The following TMPRSS13 variants were observed in gnomAD, a reference collection of about 807,000 sequenced individuals.
TMPRSS13 encodes the protein transmembrane protease serine 13.
In TMPRSS13, 50 loss-of-function variants were observed where a neutral mutation model predicts 68.4. The observed-to-expected ratio is 0.73, with a 90% confidence interval of 0.58 to 0.93. TMPRSS13 has a LOEUF of 0.93. TMPRSS13 is among the 40% of genes least tolerant of loss of function. TMPRSS13 has a pLI of 0.00. For synonymous variants in TMPRSS13, 267 were observed against 285.8 expected (o/e 0.93, Z 0.66); for missense variants, 615 against 729.2 (o/e 0.84, Z 1.80).
chr11:117,907,925 T>TGAAG, intron 9 of TMPRSS13: 1 of 731,816 alleles, frequency 1.4e-6, no homozygotes. Context: ...GAATGAAGTC[T>TGAAG]TCTTTGACGT....
At chr11:117,927,570 C>T (rs1302238972) in intron 1 of TMPRSS13, among the ~76,000 whole-genome samples, 2 of 152,194 alleles carry the variant, frequency 1.3e-5, no homozygotes, top group African/African-American at 4.8e-5. Context: ...TGGCCACCAT[C>T]TTCCTCACGA....
rs768386081 is a variant in TMPRSS13, at chr11:117,918,782, T to G, written c.78A>C (p.Pro26=). 1.2e-6 allele frequency: 2 copies of G among 1,613,558 alleles called. No homozygotes were observed. Among genetic ancestry groups the G allele is most frequent in the Non-Finnish European group, 1.7e-6 (2 of 1,179,764 alleles). The change falls in exon 2 of 13, where the codon CCA becomes CCC. Residue 26 remains proline (P), a synonymous_variant. Coordinates refer to ENST00000524993, the MANE Select transcript of TMPRSS13 (RefSeq NM_001077263.3). ...ATGCCCGGCCTGGAGGTGTCCCAGC[T>G]GGAGATGCCTGGGCTGGAGATGCTC... The part of the protein sequence containing the change: ...SAGASPAQAS[P]AGTPPGRASP...
chr11:117,913,617 C>A (rs1036260884), intron 5 of TMPRSS13, among the ~76,000 whole-genome samples, 160 bp downstream of exon 5: 1 of 152,164 alleles, frequency 6.6e-6, no homozygotes, highest in Non-Finnish European at 1.5e-5. Context: ...ATCTCAGGGC[C>A]TCTGACTCTG....
Position 117,914,620 on chromosome 11 carries a change from C to T in TMPRSS13, c.557-106G>A. The T allele has an allele frequency of 6.5e-7, 1 of 1,549,126 alleles. No individual in the cohort carries two copies. Among genetic ancestry groups the T allele is most frequent in the South Asian group, 1.2e-5 (1 of 82,238 alleles). ...TCTGAGACACCGACCTGCAATCCCTCTTGAACTCTGGGGCTCTCATCCCCC... is the reference window on the plus strand; with the variant it reads ...TCTGAGACACCGACCTGCAATCCCTTTTGAACTCTGGGGCTCTCATCCCCC... On this transcript the variant is annotated intron_variant, in intron 3 of 12. Transcript: ENST00000524993. This position sits in a 1 kb window ranked among gnomAD's most constrained non-coding sequence, Gnocchi z 4.2.
rs1451908910 is a variant in TMPRSS13, at chr11:117,905,585, AC to A, written c.1381+52del. On this transcript the variant is annotated intron_variant, in intron 10 of 12. Transcript: ENST00000524993. ...ACATTGCTTACACACGCACATGTAT[AC>A]ACACACATGCACATGAATACATACA... The A allele has an allele frequency of 3.5e-6, 5 of 1,414,984 alleles. No homozygotes were observed. In the Admixed American group the frequency reaches 9.8e-5, roughly 28 times the overall value. The allele number at this position is 1,414,984 out of a possible 1,614,324, so 87.7% of individuals were successfully genotyped here. A position where few individuals can be genotyped will look rare whatever the true frequency, so the allele number is the denominator to read the frequency against.
At chr11:117,929,258 T>C (rs1467486054) in intron 1 of TMPRSS13, 29 bp downstream of exon 1, 2 of 1,593,286 alleles carry the variant, frequency 1.3e-6, no homozygotes, top group African/African-American at 2.7e-5. Flanking sequence ...GCTGGGAGAA[T>C]CTGGCCCGAG....
chr11:117,913,293 C>T (rs1176958887), intron 5 of TMPRSS13, among the ~76,000 whole-genome samples: 1 of 152,222 alleles, frequency 6.6e-6, no homozygotes, highest in African/African-American at 2.4e-5. Context: ...GAGCCAAAGA[C>T]CCTTATGATT....
chr11:117,903,953 C>T lies in TMPRSS13; in HGVS notation c.1524+6G>A. 6.2e-7 allele frequency: 1 copy of T among 1,610,578 alleles called. No homozygotes were observed. The highest frequency in any genetic ancestry group is 8.5e-7 in the Non-Finnish European group (1 of 1,178,530). ...GGACCTGAGCCCCACCCACAGGTAC[C>T]CTCACCTGGCAGGAGTCTCTGCCCC... is the stretch of plus-strand genomic sequence containing the variant. On this transcript the variant is annotated splice_donor_region_variant and intron_variant, in intron 11 of 12. Transcript: ENST00000524993.
At chr11:117,904,194 G>A in intron 10 of TMPRSS13, 93 bp from the exon 11 acceptor site, 5 of 1,485,840 alleles carry the variant, frequency 3.4e-6, no homozygotes, top group Non-Finnish European at 4.5e-6. Context: ...CCAAGACCCA[G>A]AATCACAGCC....
In TMPRSS13 at chr11:117,916,212, C is replaced by T. The variant is rs2057576968; in HGVS notation, c.556+958G>A. On this transcript the variant is annotated intron_variant, in intron 3 of 12. Transcript: ENST00000524993. ...TACAGCATGGCCCAGCCTTGCTGAA[C>T]CAAACAGACGGCCCCAGGTCCCTGA... Among the ~76,000 whole-genome samples, 3 of 152,328 alleles carry T rather than the reference C, an allele frequency of 2.0e-5. No individual in the cohort carries two copies. The South Asian group carries it at 6.2e-4, about 32-fold the overall frequency.
chr11:117,901,885 A>G lies in TMPRSS13; in HGVS notation c.*354T>C, dbSNP rs2057412780. 1 of 328,686 alleles carries G rather than the reference A, an allele frequency of 3.0e-6. No homozygotes were observed. Among genetic ancestry groups the G allele is most frequent in the Non-Finnish European group, 5.8e-6 (1 of 171,998 alleles). The allele number at this position is 328,686 out of a possible 1,614,324, so 20.4% of individuals were successfully genotyped here. A position where few individuals can be genotyped will look rare whatever the true frequency, so the allele number is the denominator to read the frequency against. ...CTAGTCTGTAAGTGAGGGTCAGAGA[A>G]GCAAGAATTCCCAGCTCTTCCTTGG... On this transcript the variant is annotated 3_prime_UTR_variant, in exon 13 of 13. Coordinates refer to ENST00000524993, the MANE Select transcript of TMPRSS13 (RefSeq NM_001077263.3).
At chr11:117,907,712 C>G (rs1199012959) in intron 9 of TMPRSS13, 1 of 798,490 alleles carries the variant, frequency 1.3e-6, no homozygotes, top group African/African-American at 1.9e-5. Flanking sequence ...CTGAGCTTCC[C>G]CTAGCCTGCC....
rs373890233 is a variant in TMPRSS13 at position 117,909,926 on chromosome 11, G to A, written c.989C>T (p.Ala330Val). ...AGGCCACTTGCTATCCGAGGCCAGC[G>A]CCCCTCCCACGATCCGCCCGGTCAT... Reference protein sequence around the residue: ...RAMTGRIVGGALASDSKWPWQ... With the variant: ...RAMTGRIVGGVLASDSKWPWQ... Residue 330 changes from alanine (A) to valine (V), a missense_variant, in exon 8 of 13, where the codon GCG becomes GTG. Transcript: ENST00000524993. The A allele has an allele frequency of 9.3e-6, 15 of 1,614,122 alleles. No individual in the cohort carries two copies. Among genetic ancestry groups the A allele is most frequent in the South Asian group, 3.3e-5 (3 of 91,074 alleles).
intron 1 of TMPRSS13, among the ~76,000 whole-genome samples, chr11:117,926,949 T>A (rs2057713613): frequency 6.6e-6 from 1 of 152,248 alleles, no homozygotes; most frequent in South Asian, 2.1e-4. Context: ...ATTTTGAGAC[T>A]CCTTGAGGTA....
At chr11:117,927,358 C>A (rs73022500) in intron 1 of TMPRSS13, among the ~76,000 whole-genome samples, 11,387 of 152,226 alleles carry the variant, frequency 0.075, 607 homozygotes, top group East Asian at 0.2. Flanking sequence ...ATTATTATTC[C>A]ATTTTACAGA....
intron 6 of TMPRSS13, among the ~76,000 whole-genome samples, chr11:117,911,217 C>T (rs963535501): frequency 2.0e-5 from 3 of 152,152 alleles, no homozygotes; most frequent in South Asian, 2.1e-4. Context: ...CTCTCCCCTC[C>T]GTAGGGCAAA....
At chr11:117,918,302 C>CCGCAT (rs1191047720) in intron 2 of TMPRSS13, 107 bp downstream of exon 2, 1 of 1,345,118 alleles carries the variant, frequency 7.4e-7, no homozygotes, top group African/African-American at 1.5e-5. Context: ...CTCCCCTTCC[C>CCGCAT]CGCATCGTTG....
intron 5 of TMPRSS13, among the ~76,000 whole-genome samples, chr11:117,913,062 CT>C (rs2057539173): frequency 6.6e-6 from 1 of 152,104 alleles, no homozygotes; most frequent in Admixed American, 6.5e-5. Flanking sequence ...GTTTTTGGTG[CT>C]TCTTCTGTAG....
chr11:117,905,676 C>A lies in TMPRSS13; in HGVS notation c.1343G>T (p.Cys448Phe). 6.2e-7 allele frequency: 1 copy of A among 1,605,956 alleles called. No individual in the cohort carries two copies. The stretch of plus-strand genomic sequence containing the variant: ...GGTCTTGCCAAAGCCTGTGATCCAG[C>A]AGGTCTCATTGAGGCTAAAGGTCTG... ...HGQTFSLNETCWITGFGKTRE... is the reference protein window; with the variant it reads ...HGQTFSLNETFWITGFGKTRE... The change falls in exon 10 of 13, where the codon TGC (cysteine) becomes TTC (phenylalanine). Residue 448 changes from cysteine (C) to phenylalanine (F), a missense_variant. Physicochemically the swap from Cys to Phe is radical, Grantham distance 205. Transcript: ENST00000524993.
Sources: allele counts gnomAD v4.1 joint callset (sites outside exome capture counted in the v4.1 genomes callset), GRCh38; gene constraint gnomAD v4.1.1; non-coding constraint Gnocchi (gnomAD v3.1); transcripts MANE v1.5; gene names NCBI Gene and HGNC (gene_info 2026-07-23, HGNC 2026-07-21).